The following UTP15 variants were observed in gnomAD, a reference collection of about 807,000 sequenced individuals.
UTP15 encodes the protein U3 small nucleolar RNA-associated protein 15 homolog.
UTP15 carries 5 observed loss-of-function variants against 59.1 expected under a neutral mutation model. That is an observed-to-expected ratio of 0.08 (90% CI 0.04 to 0.18). The LOEUF (loss-of-function observed/expected upper bound fraction) is 0.18. Among genes scored for constraint, UTP15 ranks in the 10% least tolerant of loss-of-function variants. The pLI is 1.00. For missense variants in UTP15, 494 were observed against 616.7 expected, an observed-to-expected ratio of 0.80 and a Z score of 2.11; for synonymous variants, 211 against 212.2, an observed-to-expected ratio of 0.99 and a Z score of 0.05.
rs753231442 is a variant in UTP15 at position 73,568,436 on chromosome 5, G to C, written c.200G>C (p.Arg67Pro). ...ATCTTGTAGATTCACATTTATGGCC[G>C]ATACTCCCAAGAACCTATAAAAACC... is the stretch of plus-strand genomic sequence containing the variant. ...TASSRIHIYG[R>P]YSQEPIKTFS... The change falls in exon 4 of 13, where the codon CGA (arginine) becomes CCA (proline). Residue 67 changes from arginine to proline, a missense_variant. Physicochemically the swap from Arg to Pro is moderately radical, Grantham distance 103. Transcript: ENST00000296792. 2.5e-6 allele frequency: 4 copies of C among 1,609,064 alleles called. No individual in the cohort carries two copies. Among genetic ancestry groups the C allele is most frequent in the Non-Finnish European group, 3.4e-6 (4 of 1,177,484 alleles).
In UTP15 at chr5:73,580,603, A is replaced by G. The variant is rs867018629; in HGVS notation, c.*509A>G. On this transcript the variant is annotated 3_prime_UTR_variant, in exon 13 of 13. Coordinates refer to ENST00000296792, the MANE Select transcript of UTP15 (RefSeq NM_032175.4). ...TGCTTCCTGTCTCCTTGATATCTACACTTGTCTTAGATCACATGCCCTGCT... is the reference window on the plus strand; with the variant it reads ...TGCTTCCTGTCTCCTTGATATCTACGCTTGTCTTAGATCACATGCCCTGCT... 2 of 152,904 alleles carry G rather than the reference A, an allele frequency of 1.3e-5. No individual in the cohort carries two copies. Among genetic ancestry groups the G allele is most frequent in the African/African-American group, 4.8e-5 (2 of 41,434 alleles). The allele number at this position is 152,904 out of a possible 1,614,324, so 9.5% of individuals were successfully genotyped here.
At chr5:73,574,773 A>C (rs566725118) in intron 7 of UTP15, among the ~76,000 whole-genome samples, 1 of 152,308 alleles carries the variant, frequency 6.6e-6, no homozygotes, top group African/African-American at 2.4e-5. Context: ...GGCGTGAGCC[A>C]CCGTGCCCGG....
At chr5:73,578,665 C>A in intron 9 of UTP15, 86 bp from the exon 10 acceptor site, 1 of 1,117,586 alleles carries the variant, frequency 8.9e-7, no homozygotes, top group Non-Finnish European at 1.3e-6. Context: ...TTCAGAGATA[C>A]CACTTCATTA....
chr5:73,578,071 G>A, intron 9 of UTP15, 66 bp downstream of exon 9: 1 of 1,506,938 alleles, frequency 6.6e-7, no homozygotes, highest in Non-Finnish European at 9.0e-7. Flanking sequence ...CTTCATCCCT[G>A]CACATTACTG....
In UTP15 at chr5:73,581,611, TTTTTTTTG is replaced by T. The variant is rs887051760; in HGVS notation, c.*1533_*1540del. On this transcript the variant is annotated 3_prime_UTR_variant, in exon 13 of 13. Transcript: ENST00000296792. The stretch of plus-strand genomic sequence containing the variant: ...AATTTTAGTTCTGTAAATTCAGGGT[TTTTTTTTG>T]TTTTTTTGTTTTTTTTAAGCCGAAA... 2 of 151,924 alleles carry T rather than the reference TTTTTTTTG, an allele frequency of 1.3e-5. No individual in the cohort carries two copies. The highest frequency in any genetic ancestry group is 2.9e-5 in the Non-Finnish European group (2 of 67,986). 9.4% of individuals were successfully genotyped at this position (151,924 alleles called of 1,614,324 possible).
rs752255499 is a variant in UTP15, at chr5:73,580,129, T to C, written c.*35T>C. 5.1e-6 allele frequency: 8 copies of C among 1,571,966 alleles called. No individual in the cohort carries two copies. Among genetic ancestry groups the C allele is most frequent in the East Asian group, 2.2e-5 (1 of 44,530 alleles). Reference sequence around the variant, plus strand: ...AATAAGACATATAAGAACTCTGAAGTTGGAATAGATTTGACTGTATTAAAT... The same window carrying C: ...AATAAGACATATAAGAACTCTGAAGCTGGAATAGATTTGACTGTATTAAAT... On this transcript the variant is annotated 3_prime_UTR_variant, in exon 13 of 13. Coordinates refer to ENST00000296792, the MANE Select transcript of UTP15 (RefSeq NM_032175.4).
At position 73,579,155 on chromosome 5, in the gene UTP15, G is replaced by A. The variant is rs781090516; in HGVS notation, c.1280+5G>A. The stretch of plus-strand genomic sequence containing the variant: ...TGTTCTTAATTTTTTGATAAGGTAT[G>A]TTTTTTGTCTGTGAAACACTTACAT... On this transcript the variant is annotated splice_donor_5th_base_variant and intron_variant, in intron 11 of 12. Coordinates refer to ENST00000296792, the MANE Select transcript of UTP15 (RefSeq NM_032175.4). The A allele has an allele frequency of 8.1e-6, 13 of 1,613,490 alleles. No homozygotes were observed. The East Asian group carries it at 2.7e-4, about 33-fold the overall frequency.
chr5:73,582,078 A>G lies in UTP15; in HGVS notation c.*1984A>G, dbSNP rs1748335440. On this transcript the variant is annotated 3_prime_UTR_variant, in exon 13 of 13. Coordinates refer to ENST00000296792, the MANE Select transcript of UTP15 (RefSeq NM_032175.4). ...GCCGTCAATTGTGTAACATGTGACA[A>G]AGGTTTTCCCATATGTCATTTCATT... 2 of 152,230 alleles carry G rather than the reference A, an allele frequency of 1.3e-5. No individual in the cohort carries two copies. Among genetic ancestry groups the G allele is most frequent in the Admixed American group, 1.3e-4 (2 of 15,290 alleles). 9.4% of individuals were successfully genotyped at this position (152,230 alleles called of 1,614,324 possible). A position where few individuals can be genotyped will look rare whatever the true frequency, so the allele number is the denominator to read the frequency against.
rs1193956863 is a variant in UTP15, at chr5:73,579,095, G to A, written c.1225G>A (p.Ala409Thr). 6.2e-7 allele frequency: 1 copy of A among 1,613,984 alleles called. No individual in the cohort carries two copies. The highest frequency in any genetic ancestry group is 8.5e-7 in the Non-Finnish European group (1 of 1,179,882). The change falls in exon 11 of 13, where the codon GCG (alanine) becomes ACG (threonine). Residue 409 changes from alanine to threonine, a missense_variant. By Grantham distance (58) the Ala-to-Thr change is moderately conservative (BLOSUM62 0). Transcript: ENST00000296792. ...AAATCGAAGAGGAGTCCTTGCAAAT[G>A]CGCTTGCAGGTCGGGATGAGAAGGA... Reference protein sequence around the residue: ...ELNRRGVLANALAGRDEKEIS... With the variant: ...ELNRRGVLANTLAGRDEKEIS...
intron 9 of UTP15, 65 bp from the exon 10 acceptor site, chr5:73,578,686 T>C: frequency 7.2e-7 from 1 of 1,381,766 alleles, no homozygotes; most frequent in Non-Finnish European, 1.0e-6. Flanking sequence ...TGAAAAAGTT[T>C]ATATTAAATG....
chr5:73,579,909 G>A lies in UTP15; in HGVS notation c.1372G>A (p.Val458Ile). 6.2e-7 allele frequency: 1 copy of A among 1,613,070 alleles called. No individual in the cohort carries two copies. Among genetic ancestry groups the A allele is most frequent in the East Asian group, 2.2e-5 (1 of 44,830 alleles). ...TCTGCCTGTAATTGGTCAGTCCCCT[G>A]TAGTTGATAAAAAGTTTTTACTACT... is the stretch of plus-strand genomic sequence containing the variant. ...IYLPVIGQSP[V>I]VDKKFLLLQG... The change falls in exon 13 of 13, where the codon GTA becomes ATA. Residue 458 changes from valine (V) to isoleucine (I), a missense_variant. Val to Ile is a conservative substitution (Grantham distance 29). Coordinates refer to ENST00000296792, the MANE Select transcript of UTP15 (RefSeq NM_032175.4).
chr5:73,575,484 C>T (rs1561278506), intron 7 of UTP15, among the ~76,000 whole-genome samples: 2 of 152,074 alleles, frequency 1.3e-5, no homozygotes, highest in Non-Finnish European at 2.9e-5. Context: ...GAATTCTGTG[C>T]CCCAAAATGA....
intron 9 of UTP15, chr5:73,578,237 C>T (rs1233882857): frequency 4.6e-6 from 2 of 433,078 alleles, no homozygotes; most frequent in African/African-American, 2.1e-5. Context: ...TGCTTTACTG[C>T]ATTCAAAATA....
Position 73,571,743 on chromosome 5 carries a change from C to T in UTP15, c.674-746C>T, listed in dbSNP as rs542298637. ...TTGAGTCCAGGAGTTTGAGACCAGC[C>T]TGGGCAACATAGCAAGACTCTAAGA... On this transcript the variant is annotated intron_variant, in intron 6 of 12. Transcript: ENST00000296792. 6.6e-5 allele frequency among the ~76,000 whole-genome samples: 10 copies of T among 151,814 alleles called. No individual in the cohort carries two copies. The East Asian group carries it at 1.2e-3, about 18-fold the overall frequency.
intron 12 of UTP15, 42 bp from the exon 13 acceptor site, chr5:73,579,835 A>G (rs747850643): frequency 7.2e-7 from 1 of 1,396,176 alleles, no homozygotes; most frequent in Admixed American, 2.4e-5. Context: ...TAATGTATGG[A>G]AAGATATTGC....
At chr5:73,578,950 T>C (rs1245740082) in intron 10 of UTP15, 67 bp from the exon 11 acceptor site, 2 of 1,601,374 alleles carry the variant, frequency 1.2e-6, no homozygotes, top group Non-Finnish European at 1.7e-6. Context: ...CTTGATAATT[T>C]AGTGCAAGAC....
In UTP15 at chr5:73,565,801, A is replaced by G. The variant is rs752479886; in HGVS notation, c.-195A>G. Reference sequence around the variant, plus strand: ...TGTGTCGCCGGCTCCTTGAGGGTCCATGTGATTTTTACGCCAGTGCTGCTG... The same window carrying G: ...TGTGTCGCCGGCTCCTTGAGGGTCCGTGTGATTTTTACGCCAGTGCTGCTG... On this transcript the variant is annotated 5_prime_UTR_variant, in exon 1 of 13. An upstream start codon of the reference 5' UTR is lost. Transcript: ENST00000296792. 18 of 456,080 alleles carry G rather than the reference A, an allele frequency of 3.9e-5. No homozygotes were observed. The highest frequency in any genetic ancestry group is 2.0e-4 in the African/African-American group (10 of 50,010). 28.3% of individuals were successfully genotyped at this position (456,080 alleles called of 1,614,324 possible). A position where few individuals can be genotyped will look rare whatever the true frequency, so the allele number is the denominator to read the frequency against.
chr5:73,578,068 C>T, intron 9 of UTP15, 63 bp downstream of exon 9: 2 of 1,518,160 alleles, frequency 1.3e-6, no homozygotes, highest in Non-Finnish European at 1.8e-6. Flanking sequence ...CAGCTTCATC[C>T]CTGCACATTA....
intron 9 of UTP15, 42 bp from the exon 10 acceptor site, chr5:73,578,709 G>C (rs1748202703): frequency 6.5e-7 from 1 of 1,534,626 alleles, no homozygotes; most frequent in Non-Finnish European, 9.0e-7. Flanking sequence ...TATTTACACA[G>C]ATGCTGATTT....
Sources: gnomAD v4.1 joint callset for allele counts (sites outside exome capture counted in the v4.1 genomes callset) on GRCh38, gnomAD v4.1.1 for gene constraint, MANE v1.5 for transcripts, NCBI Gene and HGNC (gene_info 2026-07-23, HGNC 2026-07-21) for gene names.